WWOX: variants seen among roughly 807,000 people sequenced by gnomAD.
The protein encoded by WWOX is WW domain containing oxidoreductase, also known as WW domain-containing oxidoreductase.
WWOX carries 69 observed loss-of-function variants against 46.2 expected under a neutral mutation model. The observed-to-expected ratio is 1.49, with a 90% CI of 1.23 to 1.82. The LOEUF is 1.82. Among genes scored for constraint, WWOX ranks in the 40% most tolerant of loss-of-function variants. The probability of loss-of-function intolerance (pLI) is 0.00; values close to 1 mark genes in which losing one functional copy is unlikely to be tolerated. For missense variants in WWOX, 919 were observed against 542.6 expected (o/e 1.69, Z -6.89); for synonymous variants, 359 against 202.6 (o/e 1.77, Z -6.56).
At chr16:78,282,346 G>T (rs1258078177) in intron 5 of WWOX, among the ~76,000 whole-genome samples, 2 of 152,306 alleles carry the variant, frequency 1.3e-5, no homozygotes, top group African/African-American at 2.4e-5. Context: ...ATCAGGAGGG[G>T]ATCTTTTCGG....
intron 8 of WWOX, among the ~76,000 whole-genome samples, chr16:78,507,402 G>C (rs1460162115): frequency 1.3e-5 from 2 of 152,180 alleles, no homozygotes; most frequent in Non-Finnish European, 2.9e-5. Context: ...TTGCTGAGAA[G>C]TGATAGAATA....
intron 8 of WWOX, among the ~76,000 whole-genome samples, chr16:78,799,701 C>T (rs2050834308): frequency 6.6e-6 from 1 of 152,116 alleles, no homozygotes; most frequent in African/African-American, 2.4e-5. Flanking sequence ...TGCCTGCTCT[C>T]TAATATTGTC....
intron 5 of WWOX, among the ~76,000 whole-genome samples, chr16:78,181,125 C>T (rs1478935845): frequency 1.5e-4 from 23 of 151,898 alleles, no homozygotes; most frequent in East Asian, 1.9e-4. Flanking sequence ...GAGAGACAGG[C>T]ATACAGAGAA....
In WWOX at chr16:78,888,126, G is replaced by T. The variant is rs1053203236; in HGVS notation, c.1057-323482G>T. 3.3e-5 allele frequency among the ~76,000 whole-genome samples: 5 copies of T among 152,264 alleles called. No homozygotes were observed. The South Asian group carries it at 1.0e-3, about 32-fold the overall frequency. On this transcript the variant is annotated intron_variant, in intron 8 of 8. Transcript: ENST00000566780. ...AATCAACTTTCTTGTTGTAGTGTCA[G>T]TGCCATTTACAACAAAAAGCTGGCT...
At position 78,416,756 on chromosome 16, in the gene WWOX, C is replaced by A. The variant is rs535604180; in HGVS notation, c.606-8114C>A. 4.3e-4 allele frequency among the ~76,000 whole-genome samples: 65 copies of A among 152,300 alleles called. No individual in the cohort carries two copies. In the South Asian group the frequency reaches 0.013, roughly 32 times the overall value. ...CTATCTTTGAGGAATTTAATTTTGT[C>A]TTGTGGATAAAAGTGAAGGATAAAG... On this transcript the variant is annotated intron_variant, in intron 6 of 8. Coordinates refer to ENST00000566780, the MANE Select transcript of WWOX (RefSeq NM_016373.4).
intron 5 of WWOX, among the ~76,000 whole-genome samples, chr16:78,224,455 C>T (rs1033434084): frequency 2.0e-5 from 3 of 151,544 alleles, no homozygotes; most frequent in African/African-American, 7.3e-5. Flanking sequence ...CAAGAAACTG[C>T]CTTTTTTCAT....
At chr16:78,386,637 C>T (rs1319146094) in intron 5 of WWOX, among the ~76,000 whole-genome samples, 1 of 146,918 alleles carries the variant, frequency 6.8e-6, no homozygotes, top group Non-Finnish European at 1.5e-5. Flanking sequence ...CCCCGCCCCA[C>T]CCCCCAGCCT....
chr16:78,950,554 AC>A (rs2046039751), intron 8 of WWOX, among the ~76,000 whole-genome samples: 6 of 151,820 alleles, frequency 4.0e-5, no homozygotes, highest in Middle Eastern at 3.4e-3. Context: ...ACACACACAC[AC>A]ACACACACAC....
chr16:78,585,515 A>G (rs2045175280), intron 8 of WWOX, among the ~76,000 whole-genome samples: 1 of 152,182 alleles, frequency 6.6e-6, no homozygotes, highest in African/African-American at 2.4e-5. Context: ...AGCAAACCCC[A>G]GGATCCCCAG....
chr16:78,800,328 G>A (rs149600451), intron 8 of WWOX, among the ~76,000 whole-genome samples: 1 of 152,062 alleles, frequency 6.6e-6, no homozygotes, highest in African/African-American at 2.4e-5. Flanking sequence ...TGTACCGTGT[G>A]CTTTTAACAC....
At chr16:78,117,593 G>C (rs1045189664) in intron 4 of WWOX, among the ~76,000 whole-genome samples, 4 of 152,172 alleles carry the variant, frequency 2.6e-5, no homozygotes, top group African/African-American at 9.7e-5. Context: ...CTGCGTGGCT[G>C]CCTTAGAAAG....
intron 8 of WWOX, among the ~76,000 whole-genome samples, chr16:78,500,695 C>G (rs571295956): frequency 6.6e-6 from 1 of 152,272 alleles, no homozygotes; most frequent in South Asian, 2.1e-4. Context: ...GCTGGACTAG[C>G]TTTTCGGGAA....
intron 8 of WWOX, among the ~76,000 whole-genome samples, chr16:78,566,227 A>G (rs1421886737): frequency 1.3e-5 from 2 of 152,068 alleles, no homozygotes; most frequent in Non-Finnish European, 2.9e-5. Flanking sequence ...GTCACCTCCC[A>G]AAGCCCCACC....
intron 5 of WWOX, among the ~76,000 whole-genome samples, chr16:78,316,927 T>G (rs2080367671): frequency 6.6e-6 from 1 of 152,232 alleles, no homozygotes; most frequent in Non-Finnish European, 1.5e-5. Context: ...TTATTCGTTT[T>G]TCCAACAAAC....
At chr16:78,353,858 T>C (rs1206267559) in intron 5 of WWOX, among the ~76,000 whole-genome samples, 1 of 152,230 alleles carries the variant, frequency 6.6e-6, no homozygotes, top group East Asian at 1.9e-4. Context: ...CCCTTGCCCT[T>C]GATGTGGTGC....
At chr16:78,277,386 G>A (rs917524061) in intron 5 of WWOX, among the ~76,000 whole-genome samples, 1 of 152,124 alleles carries the variant, frequency 6.6e-6, no homozygotes, top group Non-Finnish European at 1.5e-5. Flanking sequence ...TCTCCTTGAG[G>A]GAAGTTGCAG....
At chr16:79,129,062 T>C (rs1039913366) in intron 8 of WWOX, among the ~76,000 whole-genome samples, 3 of 152,196 alleles carry the variant, frequency 2.0e-5, no homozygotes, top group Non-Finnish European at 4.4e-5. Flanking sequence ...CTGTTTCTTC[T>C]TTTATGCTGA....
At chr16:78,588,873 A>C (rs543982569) in intron 8 of WWOX, among the ~76,000 whole-genome samples, 1 of 152,274 alleles carries the variant, frequency 6.6e-6, no homozygotes, top group Non-Finnish European at 1.5e-5. Context: ...GGTGGTAGTG[A>C]TAGTGTTGAT....
chr16:78,509,700 T>G (rs914813810), intron 8 of WWOX, among the ~76,000 whole-genome samples: 5 of 152,174 alleles, frequency 3.3e-5, no homozygotes, highest in African/African-American at 1.2e-4. Context: ...AAGCCTTCAC[T>G]GTTTTGTTTA....
Sources: allele counts gnomAD v4.1 joint callset (sites outside exome capture counted in the v4.1 genomes callset), GRCh38; gene constraint gnomAD v4.1.1; transcripts MANE v1.5; gene names NCBI Gene and HGNC (gene_info 2026-07-23, HGNC 2026-07-21).